The following SUGP1 variants were observed in gnomAD, a reference collection of about 807,000 sequenced individuals.
The protein encoded by SUGP1 is SURP and G-patch domain-containing protein 1.
SUGP1 carries 34 observed loss-of-function variants against 76.5 expected under a neutral mutation model. The ratio of observed to expected loss-of-function variants is 0.44; its 90% CI spans 0.34 to 0.59. The LOEUF (loss-of-function observed/expected upper bound fraction) is 0.59. SUGP1 is among the 20% of genes least tolerant of loss of function. The pLI, the probability that SUGP1 is intolerant of heterozygous loss-of-function variation, is 0.01. For missense variants in SUGP1, 752 were observed against 851.7 expected (o/e 0.88, Z 1.46); for synonymous variants, 326 against 326.2 (o/e 1.00, Z 0.01).
chr19:19,318,084 T>C (rs973634293), intron 1 of SUGP1, among the ~76,000 whole-genome samples: 3 of 151,314 alleles, frequency 2.0e-5, no homozygotes, highest in Non-Finnish European at 4.4e-5. Context: ...GCGCTGGAAT[T>C]ACAGGCGTGA....
chr19:19,304,204 G>A (rs1223432864), intron 4 of SUGP1, among the ~76,000 whole-genome samples: 1 of 152,156 alleles, frequency 6.6e-6, no homozygotes, highest in African/African-American at 2.4e-5. Context: ...ATCCTTCAAA[G>A]ATGACACGTT....
chr19:19,279,855 C>T (rs1418887465), intron 9 of SUGP1, among the ~76,000 whole-genome samples: 1 of 152,200 alleles, frequency 6.6e-6, no homozygotes, highest in African/African-American at 2.4e-5. Context: ...AGAACATCAA[C>T]GTAGACTCTC....
intron 2 of SUGP1, among the ~76,000 whole-genome samples, chr19:19,310,643 C>CCTCT (rs1361803079): frequency 1.3e-5 from 2 of 152,016 alleles, no homozygotes; most frequent in Non-Finnish European, 2.9e-5. Context: ...TGTCTCTCTC[C>CCTCT]CTCTCTATCT....
intron 7 of SUGP1, chr19:19,301,986 G>A (rs915314576): frequency 2.2e-6 from 1 of 446,798 alleles, no homozygotes; most frequent in African/African-American, 1.9e-5. Context: ...AAAGGCAACT[G>A]GGCAAGTGCT....
intron 8 of SUGP1, among the ~76,000 whole-genome samples, chr19:19,296,349 A>G (rs1223165783): frequency 6.6e-6 from 1 of 151,864 alleles, no homozygotes; most frequent in Non-Finnish European, 1.5e-5. Context: ...TGAGGTCAGG[A>G]GTTCGAAACC....
At chr19:19,294,612 G>A (rs922173862) in intron 8 of SUGP1, among the ~76,000 whole-genome samples, 2 of 151,690 alleles carry the variant, frequency 1.3e-5, no homozygotes, top group African/African-American at 4.8e-5. Context: ...TTCATGCCCG[G>A]ATTTGGCAAT....
At chr19:19,288,967 G>A (rs1334938104) in intron 8 of SUGP1, among the ~76,000 whole-genome samples, 1 of 151,812 alleles carries the variant, frequency 6.6e-6, no homozygotes, top group Non-Finnish European at 1.5e-5. Flanking sequence ...TGTATTTTTA[G>A]TAGAGACAGA....
chr19:19,319,950 G>GCC (rs971904082), intron 1 of SUGP1, among the ~76,000 whole-genome samples: 5 of 152,166 alleles, frequency 3.3e-5, no homozygotes, highest in Non-Finnish European at 7.3e-5. Context: ...CAGTGAGCAC[G>GCC]CCCTAAGTAT....
chr19:19,286,199 C>T (rs933197765), intron 8 of SUGP1, among the ~76,000 whole-genome samples: 1 of 152,168 alleles, frequency 6.6e-6, no homozygotes, highest in Non-Finnish European at 1.5e-5. Context: ...TTGGACAATG[C>T]CCCTGGCCAC....
chr19:19,307,313 T>C (rs2061324471), intron 3 of SUGP1, among the ~76,000 whole-genome samples: 1 of 151,752 alleles, frequency 6.6e-6, no homozygotes, highest in South Asian at 2.1e-4. Context: ...GCTCAGCCTC[T>C]CAAAGGGATT....
intron 4 of SUGP1, among the ~76,000 whole-genome samples, chr19:19,305,123 T>G (rs2146618310): frequency 6.6e-6 from 1 of 152,328 alleles, no homozygotes; most frequent in South Asian, 2.1e-4. Context: ...AGCTGGCCTC[T>G]GATCCGCTCG....
chr19:19,317,283 C>A (rs778718706), intron 1 of SUGP1, among the ~76,000 whole-genome samples: 6 of 151,904 alleles, frequency 3.9e-5, no homozygotes, highest in Admixed American at 2.6e-4. Context: ...CCAGAAAAAA[C>A]AAATAAGAAG....
chr19:19,285,041 G>A (rs2061129047), intron 8 of SUGP1, among the ~76,000 whole-genome samples: 1 of 150,690 alleles, frequency 6.6e-6, no homozygotes, highest in Non-Finnish European at 1.5e-5. Context: ...CTAATTTTTT[G>A]TATTTTTAGT....
chr19:19,282,890 A>G (rs977590321), intron 8 of SUGP1, among the ~76,000 whole-genome samples: 1 of 152,210 alleles, frequency 6.6e-6, no homozygotes, highest in African/African-American at 2.4e-5. Context: ...ATCCTGGCTA[A>G]CACGGTGAAA....
rs190157450 is a variant in SUGP1 at position 19,282,661 on chromosome 19, G to A, written c.1244-2370C>T. Reference sequence around the variant, plus strand: ...GAACTACATGGGTATGAACTATACAGGTCCACTTAATATGCTGATTTCTTT... The same window carrying A: ...GAACTACATGGGTATGAACTATACAAGTCCACTTAATATGCTGATTTCTTT... On this transcript the variant is annotated intron_variant, in intron 8 of 13. Transcript: ENST00000247001. Among the ~76,000 whole-genome samples, 218 of 152,140 alleles carry A rather than the reference G, an allele frequency of 1.4e-3. 2 individuals are homozygous for A. Among genetic ancestry groups the A allele is most frequent in the Non-Finnish European group, 2.6e-3 (175 of 68,026 alleles).
intron 2 of SUGP1, among the ~76,000 whole-genome samples, chr19:19,315,996 T>G (rs2061391506): frequency 6.6e-6 from 1 of 152,042 alleles, no homozygotes; most frequent in Non-Finnish European, 1.5e-5. Context: ...AATGCCCAGC[T>G]AATTTTTTGT....
intron 2 of SUGP1, among the ~76,000 whole-genome samples, chr19:19,315,973 AGGCACGT>A (rs1568637860): frequency 6.6e-6 from 1 of 151,998 alleles, no homozygotes; most frequent in Non-Finnish European, 1.5e-5. Context: ...CTGGGACTAC[AGGCACGT>A]GCCACAATGC....
At position 19,278,750 on chromosome 19, in the gene SUGP1, G is replaced by A. The variant is rs375612663; in HGVS notation, c.1575C>T (p.Ile525=). The A allele has an allele frequency of 2.0e-5, 33 of 1,613,930 alleles. No individual in the cohort carries two copies. Among genetic ancestry groups the A allele is most frequent in the Non-Finnish European group, 2.6e-5 (31 of 1,179,992 alleles). ...GCTCGTCTGGAGGCAGGAAGTCTCC[G>A]ATGAAGTGCTTGCCCCGGCCCATCT... The part of the protein sequence containing the change: ...LTKMGRGKHF[I]GDFLPPDELE... The change falls in exon 11 of 14, where the codon ATC becomes ATT. Residue 525 remains isoleucine, a synonymous_variant. Transcript: ENST00000247001.
At chr19:19,285,402 A>C (rs1483777879) in intron 8 of SUGP1, among the ~76,000 whole-genome samples, 1 of 151,272 alleles carries the variant, frequency 6.6e-6, no homozygotes, top group Non-Finnish European at 1.5e-5. Context: ...CCTGACCTCA[A>C]GTGATCCACC....
Sources: gnomAD v4.1 joint callset for allele counts (sites outside exome capture counted in the v4.1 genomes callset) on GRCh38, gnomAD v4.1.1 for gene constraint, MANE v1.5 for transcripts, NCBI Gene and HGNC (gene_info 2026-07-23, HGNC 2026-07-21) for gene names.